The following PCDHGA4 variants were observed in gnomAD, a reference collection of about 807,000 sequenced individuals.
PCDHGA4 encodes protocadherin gamma-A4.
Under a neutral mutation model 54.6 loss-of-function variants are expected in PCDHGA4, and 38 were observed. That is an observed-to-expected ratio of 0.70 (90% CI 0.54 to 0.91). The LOEUF is 0.91. Among genes scored for constraint, PCDHGA4 ranks in the 40% least tolerant of loss-of-function variants. The pLI is 0.00. For synonymous variants in PCDHGA4, 511 were observed against 512.9 expected (o/e 1.00, Z 0.05); for missense variants, 1,298 against 1,220.9 (o/e 1.06, Z -0.94).
Position 141,432,254 on chromosome 5 carries a change from G to A in PCDHGA4, c.2515-62553G>A, listed in dbSNP as rs935437220. 6.2e-7 allele frequency: 1 copy of A among 1,614,242 alleles called. No homozygotes were observed. The highest frequency in any genetic ancestry group is 8.5e-7 in the Non-Finnish European group (1 of 1,180,050). ...CCTGGCTGAGAACACCATCCAAGGG[G>A]CAAGCCTATCGTCCTACGTGTCCAT... On this transcript the variant is annotated intron_variant, in intron 1 of 3. Transcript: ENST00000571252. The surrounding 1 kb of genome is among the most constrained non-coding windows in gnomAD (Gnocchi z 6.0).
intron 1 of PCDHGA4, chr5:141,379,151 G>A (rs1015357697): frequency 4.6e-5 from 7 of 152,166 alleles, no homozygotes; most frequent in Admixed American, 6.5e-5. Flanking sequence ...TTTGTAACCT[G>A]ACTTTGTCAG....
At chr5:141,415,793 T>C in intron 1 of PCDHGA4, 1 of 1,373,160 alleles carries the variant, frequency 7.3e-7, no homozygotes, top group Non-Finnish European at 9.4e-7. Context: ...AAAATTCACC[T>C]AGTCTCAATC....
At chr5:141,402,859 G>A (rs1314987043) in intron 1 of PCDHGA4, 8 of 1,428,738 alleles carry the variant, frequency 5.6e-6, no homozygotes, top group Non-Finnish European at 7.4e-6. Flanking sequence ...TTCTTCTAAG[G>A]AAAAGATCAC....
intron 1 of PCDHGA4, chr5:141,376,557 C>A: frequency 6.2e-7 from 1 of 1,609,994 alleles, no homozygotes; most frequent in Non-Finnish European, 8.5e-7. Flanking sequence ...CTTCCCGCAA[C>A]CCAACTAATC....
In PCDHGA4 at chr5:141,487,906, AGCACAGGAGGCTACAGT is replaced by A. The variant is rs2099668744; in HGVS notation, c.2515-6893_2515-6877del. ...TGGAAGCATGATGATGGAATGTGGG[AGCACAGGAGGCTACAGT>A]GCACAGGGTACAGTGCACCAGGCAG... On this transcript the variant is annotated intron_variant, in intron 1 of 3. Coordinates refer to ENST00000571252, the MANE Select transcript of PCDHGA4 (RefSeq NM_018917.4). The surrounding 1 kb of genome is among the most constrained non-coding windows in gnomAD (Gnocchi z 5.0). The A allele has an allele frequency of 8.7e-6, 6 of 686,524 alleles. No homozygotes were observed. The East Asian group carries it at 1.6e-4, about 19-fold the overall frequency. The allele number at this position is 686,524 out of a possible 1,614,324, so 42.5% of individuals were successfully genotyped here.
intron 1 of PCDHGA4, chr5:141,387,615 A>G: frequency 3.5e-6 from 2 of 564,798 alleles, no homozygotes; most frequent in South Asian, 2.4e-5. Flanking sequence ...GTAGTTTCCT[A>G]GTGCTGACTC....
intron 1 of PCDHGA4, among the ~76,000 whole-genome samples, chr5:141,472,725 C>T (rs1250092748): frequency 6.6e-6 from 1 of 152,022 alleles, no homozygotes; most frequent in Non-Finnish European, 1.5e-5. Flanking sequence ...GTGGCTCACA[C>T]CTGTAATCCC....
chr5:141,389,269 A>G, intron 1 of PCDHGA4: 2 of 1,613,976 alleles, frequency 1.2e-6, no homozygotes, highest in Non-Finnish European at 1.7e-6. Flanking sequence ...GTGGCCGAGA[A>G]CAACCCGCCT....
At chr5:141,373,455 A>T (rs1561559553) in intron 1 of PCDHGA4, among the ~76,000 whole-genome samples, 1 of 152,204 alleles carries the variant, frequency 6.6e-6, no homozygotes, top group Non-Finnish European at 1.5e-5. Flanking sequence ...CCCAGGAGGT[A>T]GCAGCTGCAA....
At position 141,433,030 on chromosome 5, in the gene PCDHGA4, T is replaced by C. The variant is rs116611363; in HGVS notation, c.2515-61777T>C. ...TCCTGCAGACCTATTCCCACGAGGTTTCCCTCACCACGGACTCGCGGAAGA... is the reference window on the plus strand; with the variant it reads ...TCCTGCAGACCTATTCCCACGAGGTCTCCCTCACCACGGACTCGCGGAAGA... On this transcript the variant is annotated intron_variant, in intron 1 of 3. Transcript: ENST00000571252. 10,352 of 1,614,096 alleles carry C rather than the reference T, an allele frequency of 6.4e-3. 43 individuals are homozygous for C. The highest frequency in any genetic ancestry group is 8.6e-3 in the Middle Eastern group (52 of 6,062).
At chr5:141,422,032 G>A in intron 1 of PCDHGA4, 1 of 1,611,280 alleles carries the variant, frequency 6.2e-7, no homozygotes, top group Non-Finnish European at 8.5e-7. Context: ...TAATGCAACG[G>A]ATCCAGACGA....
rs556099456 is a variant in PCDHGA4, at chr5:141,430,033, C to A, written c.2515-64774C>A. ...ACTTGGGTTCTTGTTAAGTGTGATT[C>A]TGATAATGTATACAATCACATATCA... On this transcript the variant is annotated intron_variant, in intron 1 of 3. Coordinates refer to ENST00000571252, the MANE Select transcript of PCDHGA4 (RefSeq NM_018917.4). 1.2e-4 allele frequency among the ~76,000 whole-genome samples: 18 copies of A among 152,184 alleles called. 1 individual carries two copies. In the South Asian group the frequency reaches 3.3e-3, roughly 28 times the overall value.
At chr5:141,419,523 G>C in intron 1 of PCDHGA4, 1 of 1,612,204 alleles carries the variant, frequency 6.2e-7, no homozygotes, top group Non-Finnish European at 8.5e-7. Flanking sequence ...GTGGGCGACC[G>C]TAACGACAAC....
At chr5:141,387,439 A>G (rs1437445923) in intron 1 of PCDHGA4, among the ~76,000 whole-genome samples, 2 of 152,248 alleles carry the variant, frequency 1.3e-5, no homozygotes, top group African/African-American at 4.8e-5. Context: ...TTATGTACTT[A>G]ATCTACATGA....
rs367905789 is a variant in PCDHGA4 at position 141,487,335 on chromosome 5, G to A, written c.2515-7472G>A. 11 of 1,614,064 alleles carry A rather than the reference G, an allele frequency of 6.8e-6. No individual in the cohort carries two copies. The highest frequency in any genetic ancestry group is 8.5e-6 in the Non-Finnish European group (10 of 1,180,044). Reference sequence around the variant, plus strand: ...TCTAAGTGTCTTCGTGGGGCAGCCTGTGGAGTCACATGCTTTCCTGCTGGC... The same window carrying A: ...TCTAAGTGTCTTCGTGGGGCAGCCTATGGAGTCACATGCTTTCCTGCTGGC... On this transcript the variant is annotated intron_variant, in intron 1 of 3. Transcript: ENST00000571252. This position sits in a 1 kb window ranked among gnomAD's most constrained non-coding sequence, Gnocchi z 5.0.
chr5:141,357,380 C>T lies in PCDHGA4; in HGVS notation c.2273C>T (p.Ala758Val). 1 of 1,614,194 alleles carries T rather than the reference C, an allele frequency of 6.2e-7. No individual in the cohort carries two copies. The highest frequency in any genetic ancestry group is 1.1e-5 in the South Asian group (1 of 91,092). ...RRWHKSRLLHAEGSRLAGVPA... is the reference protein window; with the variant it reads ...RRWHKSRLLHVEGSRLAGVPA... ...TGGCACAAGTCACGCCTGCTTCACG[C>T]TGAAGGCAGCAGGTTGGCAGGTGTG... The change falls in exon 1 of 4, where the codon GCT becomes GTT. Residue 758 changes from alanine to valine, a missense_variant. By Grantham distance (64) the Ala-to-Val change is moderately conservative (BLOSUM62 0). Coordinates refer to ENST00000571252, the MANE Select transcript of PCDHGA4 (RefSeq NM_018917.4).
rs1475572413 is a variant in PCDHGA4, at chr5:141,432,843, T to G, written c.2515-61964T>G. The G allele has an allele frequency of 6.2e-7, 1 of 1,614,066 alleles. No homozygotes were observed. The highest frequency in any genetic ancestry group is 8.5e-7 in the Non-Finnish European group (1 of 1,180,020). ...TCAGACCTCACTCTGTACCTGGTGGTAGCGGTGGCCGCGGTCTCCTGCGTC... is the reference window on the plus strand; with the variant it reads ...TCAGACCTCACTCTGTACCTGGTGGGAGCGGTGGCCGCGGTCTCCTGCGTC... On this transcript the variant is annotated intron_variant, in intron 1 of 3. Coordinates refer to ENST00000571252, the MANE Select transcript of PCDHGA4 (RefSeq NM_018917.4). This position sits in a 1 kb window ranked among gnomAD's most constrained non-coding sequence, Gnocchi z 6.0.
intron 1 of PCDHGA4, chr5:141,361,052 A>G: frequency 6.2e-7 from 1 of 1,613,800 alleles, no homozygotes; most frequent in Non-Finnish European, 8.5e-7. Context: ...ACAAAGGATG[A>G]TTTGGATTTT....
chr5:141,375,290 C>T (rs763674664), intron 1 of PCDHGA4: 14 of 1,613,672 alleles, frequency 8.7e-6, no homozygotes, highest in African/African-American at 2.7e-5. Flanking sequence ...CAATTATTAT[C>T]GATTAGTGAC....
Sources: gnomAD v4.1 joint callset for allele counts (sites outside exome capture counted in the v4.1 genomes callset) on GRCh38, gnomAD v4.1.1 for gene constraint, Gnocchi (gnomAD v3.1) non-coding constraint, MANE v1.5 for transcripts, NCBI Gene and HGNC (gene_info 2026-07-23, HGNC 2026-07-21) for gene names.